The following HSD17B2 variants were observed in gnomAD, a reference collection of about 807,000 sequenced individuals.
HSD17B2 encodes 17-beta-hydroxysteroid dehydrogenase type 2.
A neutral mutation model predicts 26.9 loss-of-function variants in HSD17B2; 32 were observed. The ratio of observed to expected loss-of-function variants is 1.19; its 90% CI spans 0.90 to 1.60. HSD17B2 has a LOEUF of 1.60. Among genes scored for constraint, HSD17B2 ranks in the 40% most tolerant of loss-of-function variants. The pLI is 0.00. For missense variants in HSD17B2, 613 were observed against 468.6 expected, an observed-to-expected ratio of 1.31 and a Z score of -2.85; for synonymous variants, 246 against 186.7, an observed-to-expected ratio of 1.32 and a Z score of -2.59.
chr16:82,071,508 T>C (rs1007379713), intron 3 of HSD17B2: 2 of 337,900 alleles, frequency 5.9e-6, no homozygotes, highest in Non-Finnish European at 1.1e-5. Flanking sequence ...TTCAGTTCCC[T>C]GTAAGCTGAG....
chr16:82,048,974 G>A (rs903442690), intron 1 of HSD17B2, among the ~76,000 whole-genome samples: 1 of 152,194 alleles, frequency 6.6e-6, no homozygotes, highest in African/African-American at 2.4e-5. Flanking sequence ...AAAGTAACCA[G>A]AGAACGCATT....
chr16:82,039,390 G>C (rs1393950144), intron 1 of HSD17B2, among the ~76,000 whole-genome samples: 2 of 151,838 alleles, frequency 1.3e-5, no homozygotes. Flanking sequence ...TATTGGGGTG[G>C]TGAGGGGAAA....
chr16:82,058,594 T>C (rs1053570362), intron 1 of HSD17B2, among the ~76,000 whole-genome samples: 1 of 152,182 alleles, frequency 6.6e-6, no homozygotes, highest in Non-Finnish European at 1.5e-5. Context: ...CAAAAGTCAT[T>C]AGGGCTCACC....
At chr16:82,039,142 C>G (rs960179011) in intron 1 of HSD17B2, among the ~76,000 whole-genome samples, 1 of 151,950 alleles carries the variant, frequency 6.6e-6, no homozygotes, top group African/African-American at 2.4e-5. Context: ...GGAATAGCAT[C>G]TTATTTGCTG....
chr16:82,049,707 A>G (rs1333329604), intron 1 of HSD17B2, among the ~76,000 whole-genome samples: 4 of 152,256 alleles, frequency 2.6e-5, no homozygotes, highest in Non-Finnish European at 5.9e-5. Context: ...ACTGCAGGTA[A>G]TACAAGAACA....
rs547720203 is a variant in HSD17B2 at position 82,068,343 on chromosome 16, G to C, written c.439G>C (p.Asp147His). Residue 147 changes from aspartate to histidine, a missense_variant, in exon 2 of 5, where the codon GAT becomes CAT. By Grantham distance (81) the Asp-to-His change is moderately conservative. Transcript: ENST00000199936. ...CATCACGAAGCCAGTGCAGATAAAAGATGCTTACAGCAAGGTTGCAGCAAT... is the reference window on the plus strand; with the variant it reads ...CATCACGAAGCCAGTGCAGATAAAACATGCTTACAGCAAGGTTGCAGCAAT... ...MDITKPVQIK[D>H]AYSKVAAMLQ... is the part of the protein sequence containing the mutation. The C allele has an allele frequency of 1.2e-6, 2 of 1,613,688 alleles. No homozygotes were observed. The highest frequency in any genetic ancestry group is 2.2e-5 in the East Asian group (1 of 44,874).
intron 3 of HSD17B2, among the ~76,000 whole-genome samples, chr16:82,090,657 C>A (rs967823264): frequency 8.6e-5 from 13 of 152,028 alleles, no homozygotes; most frequent in African/African-American, 3.1e-4. Context: ...CAAGATTGAG[C>A]CTTCAACTTG....
At chr16:82,043,104 T>C (rs191525225) in intron 1 of HSD17B2, among the ~76,000 whole-genome samples, 1 of 152,366 alleles carries the variant, frequency 6.6e-6, no homozygotes, top group East Asian at 1.9e-4. Flanking sequence ...TCAGGGCCTC[T>C]GTCTTCTTAT....
At chr16:82,080,474 C>A (rs1904349418) in intron 3 of HSD17B2, among the ~76,000 whole-genome samples, 1 of 152,146 alleles carries the variant, frequency 6.6e-6, no homozygotes, top group African/African-American at 2.4e-5. Context: ...CCAAGGAATG[C>A]AGGTGGCTTC....
chr16:82,087,369 C>T (rs755095599), intron 3 of HSD17B2, among the ~76,000 whole-genome samples: 9 of 152,126 alleles, frequency 5.9e-5, no homozygotes, highest in African/African-American at 1.9e-4. Flanking sequence ...GGTTACATAA[C>T]GTCAAAAAGC....
At chr16:82,080,536 G>C (rs1436682949) in intron 3 of HSD17B2, among the ~76,000 whole-genome samples, 1 of 152,142 alleles carries the variant, frequency 6.6e-6, no homozygotes, top group Non-Finnish European at 1.5e-5. Flanking sequence ...CCTCCAGAAG[G>C]AGCATGACCC....
At position 82,053,645 on chromosome 16, in the gene HSD17B2, T is replaced by C. The variant is rs1321869777; in HGVS notation, c.266-14525T>C. On this transcript the variant is annotated intron_variant, in intron 1 of 4. Coordinates refer to ENST00000199936, the MANE Select transcript of HSD17B2 (RefSeq NM_002153.3). ...TGTACCTGTAGCACCTAGCCCAGCA[T>C]GGGGGAGCAGAGAGAAGCTGAGTGA... 2.6e-5 allele frequency among the ~76,000 whole-genome samples: 4 copies of C among 152,242 alleles called. No homozygotes were observed. In the East Asian group the frequency reaches 7.7e-4, roughly 29 times the overall value.
chr16:82,097,809 A>T (rs1488035796), intron 4 of HSD17B2: 1 of 245,830 alleles, frequency 4.1e-6, no homozygotes, highest in Non-Finnish European at 7.7e-6. Flanking sequence ...CATGTTGGTG[A>T]TGCCTGTAAT....
chr16:82,062,523 T>C (rs188376274), intron 1 of HSD17B2, among the ~76,000 whole-genome samples: 48 of 152,348 alleles, frequency 3.2e-4, no homozygotes, highest in African/African-American at 1.1e-3. Context: ...GATTTGAATA[T>C]TTTATACCCC....
chr16:82,039,634 G>T (rs549636806), intron 1 of HSD17B2, among the ~76,000 whole-genome samples: 77 of 152,320 alleles, frequency 5.1e-4, no homozygotes, highest in African/African-American at 1.5e-3. Flanking sequence ...ATTCACTGGA[G>T]TTCCTTCCCC....
chr16:82,074,095 T>G (rs8044382), intron 3 of HSD17B2, among the ~76,000 whole-genome samples: 15 of 151,920 alleles, frequency 9.9e-5, no homozygotes, highest in Non-Finnish European at 2.2e-4. Flanking sequence ...AAACAAGCAA[T>G]GGGGGTAAGG....
intron 4 of HSD17B2, 33 bp from the exon 5 acceptor site, chr16:82,098,042 A>G: frequency 1.3e-6 from 2 of 1,579,656 alleles, no homozygotes; most frequent in South Asian, 2.4e-5. Flanking sequence ...TGGCCTTCCC[A>G]GGATCTGACT....
At chr16:82,038,818 A>G (rs1913689226) in intron 1 of HSD17B2, among the ~76,000 whole-genome samples, 1 of 152,172 alleles carries the variant, frequency 6.6e-6, no homozygotes, top group Non-Finnish European at 1.5e-5. Context: ...AGTCCTCTGA[A>G]GATCACTTGG....
At chr16:82,097,060 G>C (rs1395881352) in intron 4 of HSD17B2, 1 of 146,904 alleles carries the variant, frequency 6.8e-6, no homozygotes, top group Non-Finnish European at 1.5e-5. Flanking sequence ...GTGTAGCTCT[G>C]TTGCCCAGGC....
Sources: allele counts gnomAD v4.1 joint callset (sites outside exome capture counted in the v4.1 genomes callset), GRCh38; gene constraint gnomAD v4.1.1; transcripts MANE v1.5; gene names NCBI Gene and HGNC (gene_info 2026-07-23, HGNC 2026-07-21).